The following SGCZ variants were observed in gnomAD, a reference collection of about 807,000 sequenced individuals.
SGCZ encodes sarcoglycan zeta.
SGCZ carries 40 observed loss-of-function variants against 41.3 expected under a neutral mutation model. That is an observed-to-expected ratio of 0.97 (90% confidence interval 0.75 to 1.26). The LOEUF (loss-of-function observed/expected upper bound fraction) is 1.26, where lower values mean the gene tolerates loss of function less well. Ranked by LOEUF, SGCZ falls within the 50% of genes most tolerant of loss-of-function variation. SGCZ has a pLI of 0.00. For synonymous variants in SGCZ, 206 were observed against 137.5 expected (o/e 1.50, Z -3.49); for missense variants, 552 against 369.8 (o/e 1.49, Z -4.04).
At chr8:14,869,830 C>A (rs1804079712) in intron 1 of SGCZ, among the ~76,000 whole-genome samples, 1 of 152,140 alleles carries the variant, frequency 6.6e-6, no homozygotes, top group Non-Finnish European at 1.5e-5. Context: ...AGTGAACTCC[C>A]ATTCACACTT....
At chr8:14,382,759 T>C (rs1804416706) in intron 2 of SGCZ, among the ~76,000 whole-genome samples, 1 of 152,114 alleles carries the variant, frequency 6.6e-6, no homozygotes, top group South Asian at 2.1e-4. Context: ...ATGAAAGAGT[T>C]TTGTAATGTT....
intron 1 of SGCZ, among the ~76,000 whole-genome samples, chr8:14,850,421 A>G (rs1487306434): frequency 6.6e-6 from 1 of 152,150 alleles, no homozygotes; most frequent in Non-Finnish European, 1.5e-5. Context: ...AGATGGAGAA[A>G]ACAAAGGGAT....
In SGCZ at chr8:14,761,157, G is replaced by C. The variant is rs150860837; in HGVS notation, c.40-206231C>G. Among the ~76,000 whole-genome samples the C allele has an allele frequency of 2.6e-5, 4 of 152,008 alleles. No individual in the cohort carries two copies. The East Asian group carries it at 5.8e-4, about 22-fold the overall frequency. On this transcript the variant is annotated intron_variant, in intron 1 of 7. Coordinates refer to ENST00000382080, the MANE Select transcript of SGCZ (RefSeq NM_139167.4). ...CTGTCACAGTGCTTTCACGGTCTTC[G>C]CTAATTCAAATATATAATTGCATTA...
chr8:14,641,751 A>G (rs1342351294), intron 1 of SGCZ, among the ~76,000 whole-genome samples: 1 of 151,652 alleles, frequency 6.6e-6, no homozygotes, highest in Admixed American at 6.6e-5. Context: ...TAAATTATAA[A>G]CCCACTTTCT....
rs185408174 is a variant in SGCZ at position 14,951,766 on chromosome 8, G to A, written c.39+285819C>T. Among the ~76,000 whole-genome samples, 404 of 151,988 alleles carry A rather than the reference G, an allele frequency of 2.7e-3. 3 individuals are homozygous for A. Among genetic ancestry groups the A allele is most frequent in the African/African-American group, 9.1e-3 (378 of 41,488 alleles). On this transcript the variant is annotated intron_variant, in intron 1 of 7. Transcript: ENST00000382080. ...GATCTTAACTTTAATGTATCTGTGC[G>A]TATAAAAATCTTTGTGATCAGATCA...
At chr8:14,134,589 A>G (rs368949977) in intron 5 of SGCZ, among the ~76,000 whole-genome samples, 52 of 152,356 alleles carry the variant, frequency 3.4e-4, no homozygotes, top group African/African-American at 1.2e-3. Context: ...CTTAAAAAAT[A>G]TATCAGAGCC....
In SGCZ at chr8:14,134,230, T is replaced by A. The variant is rs1248720958; in HGVS notation, c.548-25995A>T. Among the ~76,000 whole-genome samples, 7 of 152,340 alleles carry A rather than the reference T, an allele frequency of 4.6e-5. No individual in the cohort carries two copies. The South Asian group carries it at 1.2e-3, about 27-fold the overall frequency. ...GCACAATTAGATATTAGATAATAGATATGTGAAATTTTACAAATTCAATAA... is the reference window on the plus strand; with the variant it reads ...GCACAATTAGATATTAGATAATAGAAATGTGAAATTTTACAAATTCAATAA... On this transcript the variant is annotated intron_variant, in intron 5 of 7. Transcript: ENST00000382080.
intron 2 of SGCZ, among the ~76,000 whole-genome samples, chr8:14,437,275 A>G (rs1466563770): frequency 6.6e-6 from 1 of 152,186 alleles, no homozygotes; most frequent in Non-Finnish European, 1.5e-5. Flanking sequence ...ATTTAATGAA[A>G]TAATTTCTTA....
At position 14,881,721 on chromosome 8, in the gene SGCZ, T is replaced by A. The variant is rs1352064248; in HGVS notation, c.40-326795A>T. 2.0e-5 allele frequency among the ~76,000 whole-genome samples: 3 copies of A among 152,174 alleles called. No individual in the cohort carries two copies. The East Asian group carries it at 5.8e-4, about 29-fold the overall frequency. ...TTCAGGACCTGAACTCAGCTCCAGA[T>A]CAAGTGTACCTGATAGGTATCAACA... On this transcript the variant is annotated intron_variant, in intron 1 of 7. Coordinates refer to ENST00000382080, the MANE Select transcript of SGCZ (RefSeq NM_139167.4).
At chr8:15,005,313 C>T (rs1208473999) in intron 1 of SGCZ, among the ~76,000 whole-genome samples, 3 of 86,844 alleles carry the variant, frequency 3.5e-5, no homozygotes, top group Admixed American at 1.4e-4. Context: ...CCCCCTCCCC[C>T]GTTTTTTTCT....
chr8:14,491,201 T>G (rs962151599), intron 2 of SGCZ, among the ~76,000 whole-genome samples: 1 of 152,124 alleles, frequency 6.6e-6, no homozygotes, highest in Admixed American at 6.6e-5. Context: ...TTTATGGTCC[T>G]CACTCCTCCA....
intron 2 of SGCZ, among the ~76,000 whole-genome samples, chr8:14,398,014 T>C (rs1798967362): frequency 6.6e-6 from 1 of 152,110 alleles, no homozygotes; most frequent in African/African-American, 2.4e-5. Context: ...TTTAAGTTAA[T>C]GGTTCAGACC....
At chr8:15,027,417 T>C (rs1406912775) in intron 1 of SGCZ, among the ~76,000 whole-genome samples, 3 of 152,066 alleles carry the variant, frequency 2.0e-5, no homozygotes, top group African/African-American at 7.2e-5. Context: ...AGAAATAATT[T>C]GTGAGAATAT....
intron 3 of SGCZ, among the ~76,000 whole-genome samples, chr8:14,262,979 C>A (rs1411868071): frequency 1.3e-5 from 2 of 152,124 alleles, no homozygotes; most frequent in South Asian, 2.1e-4. Flanking sequence ...CACTTGCCTG[C>A]ATTTGTATTT....
chr8:14,514,384 T>C (rs35069741), intron 2 of SGCZ, among the ~76,000 whole-genome samples: 106,842 of 151,728 alleles, frequency 0.7, 37,591 homozygotes, highest in South Asian at 0.78. Context: ...CCTTGACTTT[T>C]AGTCCTTCAT....
chr8:14,356,848 AT>A (rs1392150068), intron 2 of SGCZ, among the ~76,000 whole-genome samples: 1 of 152,172 alleles, frequency 6.6e-6, no homozygotes, highest in Admixed American at 6.5e-5. Context: ...AAAATAGTAT[AT>A]TTTTTCTAAT....
intron 1 of SGCZ, among the ~76,000 whole-genome samples, chr8:15,066,795 A>G (rs1486740636): frequency 6.6e-6 from 1 of 152,150 alleles, no homozygotes; most frequent in Admixed American, 6.5e-5. Context: ...TAAGATTTTT[A>G]TTCACAGAAA....
At chr8:14,255,800 T>C (rs569086354) in intron 3 of SGCZ, among the ~76,000 whole-genome samples, 5 of 152,078 alleles carry the variant, frequency 3.3e-5, no homozygotes, top group Admixed American at 2.0e-4. Flanking sequence ...ATAAAGAGAT[T>C]TGGCATAAAA....
intron 2 of SGCZ, among the ~76,000 whole-genome samples, chr8:14,339,875 G>T (rs532178639): frequency 3.9e-5 from 6 of 152,008 alleles, no homozygotes; most frequent in Non-Finnish European, 8.8e-5. Flanking sequence ...TTACTAAAAA[G>T]AATAGAATAC....
Sources: allele counts gnomAD v4.1 joint callset (sites outside exome capture counted in the v4.1 genomes callset), GRCh38; gene constraint gnomAD v4.1.1; transcripts MANE v1.5; gene names NCBI Gene and HGNC (gene_info 2026-07-23, HGNC 2026-07-21).